TMEM132C: variants seen among roughly 807,000 people sequenced by gnomAD.
The protein encoded by TMEM132C is transmembrane protein 132C, also known as protein phosphatase 1, regulatory subunit 152.
TMEM132C carries 29 observed loss-of-function variants against 61.4 expected under a neutral mutation model. That is an observed-to-expected ratio of 0.47 (90% CI 0.35 to 0.64). The LOEUF (loss-of-function observed/expected upper bound fraction) is 0.64. Among genes scored for constraint, TMEM132C ranks in the 30% least tolerant of loss-of-function variants. TMEM132C has a pLI of 0.00. For missense variants in TMEM132C, 1,408 were observed against 1,476.9 expected, an observed-to-expected ratio of 0.95 and a Z score of 0.76; for synonymous variants, 656 against 633.1, an observed-to-expected ratio of 1.04 and a Z score of -0.54.
At chr12:128,657,139 C>A (rs1184512270) in intron 4 of TMEM132C, among the ~76,000 whole-genome samples, 2 of 152,070 alleles carry the variant, frequency 1.3e-5, no homozygotes, top group Non-Finnish European at 2.9e-5. Context: ...AAGGGAGCGC[C>A]CCCCTCCTCC....
chr12:128,577,104 A>C (rs750699110), intron 3 of TMEM132C, among the ~76,000 whole-genome samples: 8 of 152,130 alleles, frequency 5.3e-5, no homozygotes, highest in African/African-American at 1.9e-4. Flanking sequence ...CACAGCCCCC[A>C]TCAACCACTA....
intron 2 of TMEM132C, among the ~76,000 whole-genome samples, chr12:128,489,129 G>T (rs896976915): frequency 1.3e-5 from 2 of 152,098 alleles, no homozygotes; most frequent in African/African-American, 4.8e-5. Context: ...CTCTGTCTCC[G>T]TTCCTTCTCC....
chr12:128,695,848 G>A lies in TMEM132C; in HGVS notation c.1674G>A (p.Glu558=), dbSNP rs1247893294. 1.3e-6 allele frequency: 2 copies of A among 1,548,452 alleles called. No homozygotes were observed. The highest frequency in any genetic ancestry group is 2.4e-5 in the East Asian group (1 of 40,862). The part of the protein sequence containing the change: ...VTNKRPTRES[E]DEDEEERRGR... ...CCACAAGGCCCACTCGTGAGAGCGA[G>A]GATGAGGACGAGGAGGAGCGGCGGG... The change falls in exon 7 of 9, where the codon GAG becomes GAA. Residue 558 remains glutamate (E), a synonymous_variant. Transcript: ENST00000435159.
intron 1 of TMEM132C, among the ~76,000 whole-genome samples, chr12:128,281,352 G>A (rs893796480): frequency 6.6e-6 from 1 of 152,174 alleles, no homozygotes; most frequent in African/African-American, 2.4e-5. Flanking sequence ...GACAGGTCCT[G>A]TTTGGGAGGC....
intron 1 of TMEM132C, among the ~76,000 whole-genome samples, chr12:128,354,193 C>T (rs1256077517): frequency 1.3e-5 from 2 of 151,950 alleles, no homozygotes; most frequent in Non-Finnish European, 2.9e-5. Flanking sequence ...CTGACTTTCT[C>T]GCATGAAGCC....
intron 2 of TMEM132C, among the ~76,000 whole-genome samples, chr12:128,422,013 A>T (rs1365940212): frequency 6.6e-6 from 1 of 152,222 alleles, no homozygotes; most frequent in African/African-American, 2.4e-5. Flanking sequence ...ATTCCTTTTC[A>T]TGGATGTTTT....
At chr12:128,639,212 GTGA>G (rs772138735) in intron 4 of TMEM132C, among the ~76,000 whole-genome samples, 6 of 149,908 alleles carry the variant, frequency 4.0e-5, no homozygotes, top group African/African-American at 7.4e-5. Flanking sequence ...GATGATGATG[GTGA>G]TGATAATGAC....
chr12:128,694,768 G>A (rs1954745862), intron 6 of TMEM132C, among the ~76,000 whole-genome samples: 1 of 152,288 alleles, frequency 6.6e-6, no homozygotes, highest in South Asian at 2.1e-4. Context: ...AAGGCATTTG[G>A]CCCGATGTGG....
chr12:128,311,405 G>C (rs1871958736), intron 1 of TMEM132C, among the ~76,000 whole-genome samples: 1 of 152,200 alleles, frequency 6.6e-6, no homozygotes, highest in African/African-American at 2.4e-5. Flanking sequence ...TTTTCTCGTT[G>C]AGTGTACGCC....
intron 2 of TMEM132C, among the ~76,000 whole-genome samples, chr12:128,449,092 A>G (rs973251675): frequency 6.9e-6 from 1 of 144,414 alleles, no homozygotes; most frequent in East Asian, 2.0e-4. Flanking sequence ...AGCCGAGATC[A>G]CGCCACTGTA....
At chr12:128,468,190 G>C (rs1425534904) in intron 2 of TMEM132C, among the ~76,000 whole-genome samples, 1 of 152,184 alleles carries the variant, frequency 6.6e-6, no homozygotes, top group Non-Finnish European at 1.5e-5. Flanking sequence ...CACCAACCCC[G>C]GGGTGACAAG....
At chr12:128,546,682 A>AT (rs948832734) in intron 3 of TMEM132C, among the ~76,000 whole-genome samples, 3 of 152,146 alleles carry the variant, frequency 2.0e-5, no homozygotes, top group Non-Finnish European at 2.9e-5. Flanking sequence ...GACCCCAGAA[A>AT]TGTGTTCAAA....
chr12:128,469,848 G>A (rs1870885603), intron 2 of TMEM132C, among the ~76,000 whole-genome samples: 1 of 151,414 alleles, frequency 6.6e-6, no homozygotes, highest in Admixed American at 6.6e-5. Flanking sequence ...AAATGTACCT[G>A]TGTGTATATA....
chr12:128,495,569 C>A (rs1427633794), intron 2 of TMEM132C, among the ~76,000 whole-genome samples: 1 of 151,390 alleles, frequency 6.6e-6, no homozygotes, highest in African/African-American at 2.4e-5. Flanking sequence ...CTTGTTGAAT[C>A]CCTTTACCAT....
chr12:128,463,994 A>C (rs1933834629), intron 2 of TMEM132C, among the ~76,000 whole-genome samples: 1 of 152,182 alleles, frequency 6.6e-6, no homozygotes. Flanking sequence ...TTTTTCCAGC[A>C]GCTGGCCCTC....
chr12:128,478,671 G>C (rs1211958804), intron 2 of TMEM132C, among the ~76,000 whole-genome samples: 1 of 152,206 alleles, frequency 6.6e-6, no homozygotes, highest in Non-Finnish European at 1.5e-5. Context: ...CAAGTCCTCT[G>C]GCTTCAAGCA....
At chr12:128,460,386 C>T (rs967286406) in intron 2 of TMEM132C, among the ~76,000 whole-genome samples, 1 of 152,174 alleles carries the variant, frequency 6.6e-6, no homozygotes, top group Non-Finnish European at 1.5e-5. Context: ...CAAATCCAGA[C>T]CTATGTCTTT....
rs186348886 is a variant in TMEM132C at position 128,570,725 on chromosome 12, T to C, written c.1121+26622T>C. Among the ~76,000 whole-genome samples, 3 of 152,338 alleles carry C rather than the reference T, an allele frequency of 2.0e-5. No individual in the cohort carries two copies. The highest frequency in any genetic ancestry group is 7.2e-5 in the African/African-American group (3 of 41,576). ...GACAGCTATACCCACAGGCATCTTATTGTGTTCCAGGTAGAGCAAATGGAG... is the reference window on the plus strand; with the variant it reads ...GACAGCTATACCCACAGGCATCTTACTGTGTTCCAGGTAGAGCAAATGGAG... On this transcript the variant is annotated intron_variant, in intron 3 of 8. Transcript: ENST00000435159. The surrounding 1 kb of genome is among the most constrained non-coding windows in gnomAD (Gnocchi z 4.7).
chr12:128,604,872 A>G (rs1188314511), intron 3 of TMEM132C, among the ~76,000 whole-genome samples: 3 of 151,380 alleles, frequency 2.0e-5, no homozygotes, highest in East Asian at 3.9e-4. Context: ...TAAATGATGG[A>G]TAGATGGATG....
Sources: allele counts gnomAD v4.1 joint callset (sites outside exome capture counted in the v4.1 genomes callset), GRCh38; gene constraint gnomAD v4.1.1; non-coding constraint Gnocchi (gnomAD v3.1); transcripts MANE v1.5; gene names NCBI Gene and HGNC (gene_info 2026-07-23, HGNC 2026-07-21).